Variants in RGL1 observed in about 807,000 individuals in gnomAD.
RGL1 encodes ral guanine nucleotide dissociation stimulator-like 1.
In RGL1, 24 loss-of-function variants were observed where a neutral mutation model predicts 95.2. The ratio of observed to expected loss-of-function variants is 0.25; its 90% CI spans 0.18 to 0.35. The LOEUF (loss-of-function observed/expected upper bound fraction) is 0.35. RGL1 is among the 10% of genes least tolerant of loss of function. The pLI is 1.00. For missense variants in RGL1, 715 were observed against 936.3 expected (o/e 0.76, Z 3.08); for synonymous variants, 329 against 344.9 (o/e 0.95, Z 0.51).
At chr1:183,810,829 G>T (rs1220246117) in intron 2 of RGL1, among the ~76,000 whole-genome samples, 1 of 152,148 alleles carries the variant, frequency 6.6e-6, no homozygotes, top group Admixed American at 6.5e-5. Flanking sequence ...TAATCCCCCA[G>T]CTCTGGATGA....
At chr1:183,743,999 A>C (rs1365526745) in intron 2 of RGL1, among the ~76,000 whole-genome samples, 1 of 152,190 alleles carries the variant, frequency 6.6e-6, no homozygotes, top group Non-Finnish European at 1.5e-5. Flanking sequence ...TCCTGGCACA[A>C]ATTCTAAACT....
chr1:183,652,156 T>C (rs1185497711), intron 1 of RGL1, among the ~76,000 whole-genome samples: 2 of 152,234 alleles, frequency 1.3e-5, no homozygotes, highest in Non-Finnish European at 2.9e-5. Context: ...CTATATATAA[T>C]GGTCCCATAA....
chr1:183,774,318 TTTTG>T (rs1286716465), intron 2 of RGL1, among the ~76,000 whole-genome samples: 1 of 152,182 alleles, frequency 6.6e-6, no homozygotes, highest in Non-Finnish European at 1.5e-5. Context: ...TTTCCTAATT[TTTTG>T]TTTGTTTTGT....
intron 1 of RGL1, among the ~76,000 whole-genome samples, chr1:183,641,636 C>T (rs1336080568): frequency 6.6e-6 from 1 of 152,122 alleles, no homozygotes; most frequent in African/African-American, 2.4e-5. Context: ...TATCTTTATC[C>T]AGTTTTGATA....
intron 1 of RGL1, among the ~76,000 whole-genome samples, chr1:183,655,084 C>A (rs1651050037): frequency 6.6e-6 from 1 of 152,212 alleles, no homozygotes; most frequent in African/African-American, 2.4e-5. Flanking sequence ...TGCCATGTTT[C>A]ATCTTCATTC....
chr1:183,800,538 C>G (rs1282657306), upstream of RGL1, among the ~76,000 whole-genome samples: 5 of 152,168 alleles, frequency 3.3e-5, no homozygotes, highest in Non-Finnish European at 7.4e-5. Flanking sequence ...AGATCTTCCC[C>G]TATTTAGCAG....
At chr1:183,763,309 G>A (rs1248509918) in intron 2 of RGL1, among the ~76,000 whole-genome samples, 1 of 152,112 alleles carries the variant, frequency 6.6e-6, no homozygotes, top group Non-Finnish European at 1.5e-5. Flanking sequence ...GATGGGTGCA[G>A]TAAACCACTA....
chr1:183,752,705 T>TC (rs60088602), intron 2 of RGL1, among the ~76,000 whole-genome samples: 72,882 of 127,262 alleles, frequency 0.57, 22,810 homozygotes, highest in East Asian at 0.72. Flanking sequence ...TCTCTCTCTC[T>TC]TTCCCCTTTC....
chr1:183,789,035 C>A (rs1660319159), intron 2 of RGL1, among the ~76,000 whole-genome samples: 1 of 152,172 alleles, frequency 6.6e-6, no homozygotes, highest in South Asian at 2.1e-4. Flanking sequence ...AGCCTGTATA[C>A]TGTAATAGGA....
chr1:183,818,333 T>G lies in RGL1; in HGVS notation c.138+11848T>G, dbSNP rs1017104066. Among the ~76,000 whole-genome samples, 5 of 152,238 alleles carry G rather than the reference T, an allele frequency of 3.3e-5. No homozygotes were observed. The South Asian group carries it at 1.0e-3, about 32-fold the overall frequency. On this transcript the variant is annotated intron_variant, in intron 2 of 17. Coordinates refer to ENST00000360851, the MANE Select transcript of RGL1 (RefSeq NM_001297671.3). ...TTAGTAGAGAATCCGGAGTTTTTGG[T>G]TTCATCAGCCATAGTGAAGTTCACA... is the stretch of plus-strand genomic sequence containing the variant.
chr1:183,821,784 G>A (rs1662508435), intron 2 of RGL1, among the ~76,000 whole-genome samples: 1 of 152,138 alleles, frequency 6.6e-6, no homozygotes, highest in Non-Finnish European at 1.5e-5. Flanking sequence ...AATGACTTTT[G>A]TCTGGTTACT....
At chr1:183,747,161 G>C (rs954722148) in intron 2 of RGL1, among the ~76,000 whole-genome samples, 1 of 152,118 alleles carries the variant, frequency 6.6e-6, no homozygotes. Context: ...GATCCTTTGG[G>C]TATATACCAA....
intron 1 of RGL1, among the ~76,000 whole-genome samples, chr1:183,698,818 A>G (rs1352601689): frequency 2.0e-5 from 3 of 152,096 alleles, no homozygotes; most frequent in Non-Finnish European, 4.4e-5. Flanking sequence ...TTGCTTTCCT[A>G]TGGCTTACTC....
intron 1 of RGL1, among the ~76,000 whole-genome samples, chr1:183,678,125 T>C (rs571905906): frequency 8.5e-5 from 13 of 152,306 alleles, no homozygotes; most frequent in Middle Eastern, 3.4e-3. Context: ...TGAGGGACAC[T>C]GTGCAGTTTT....
chr1:183,751,187 G>A (rs1177987437), intron 2 of RGL1, among the ~76,000 whole-genome samples: 1 of 152,228 alleles, frequency 6.6e-6, no homozygotes, highest in East Asian at 1.9e-4. Context: ...CAGGTGCTCT[G>A]TCCCAGGGAG....
intron 3 of RGL1, among the ~76,000 whole-genome samples, chr1:183,851,175 G>A (rs1289449404): frequency 6.6e-6 from 1 of 152,156 alleles, no homozygotes; most frequent in Admixed American, 6.5e-5. Flanking sequence ...TGGAGAGTTA[G>A]GATTTATTTT....
intron 2 of RGL1, among the ~76,000 whole-genome samples, chr1:183,798,447 C>G (rs1258864799): frequency 6.6e-6 from 1 of 152,122 alleles, no homozygotes; most frequent in Non-Finnish European, 1.5e-5. Flanking sequence ...ATGAAACCAT[C>G]ACCACCATCA....
chr1:183,821,497 C>T (rs996116976), intron 2 of RGL1, among the ~76,000 whole-genome samples: 19 of 152,088 alleles, frequency 1.2e-4, no homozygotes, highest in African/African-American at 4.3e-4. Flanking sequence ...TCTGGGGTGG[C>T]CTGACTTAAT....
intron 1 of RGL1, among the ~76,000 whole-genome samples, chr1:183,656,888 T>C (rs576065815): frequency 4.3e-4 from 65 of 152,244 alleles, no homozygotes; most frequent in Non-Finnish European, 1.0e-4. Flanking sequence ...TTAAGGTTTT[T>C]GAAAACCAGA....
Sources: gnomAD v4.1 joint callset for allele counts (sites outside exome capture counted in the v4.1 genomes callset) on GRCh38, gnomAD v4.1.1 for gene constraint, MANE v1.5 for transcripts, NCBI Gene and HGNC (gene_info 2026-07-23, HGNC 2026-07-21) for gene names.